CDH13: variants seen among roughly 807,000 people sequenced by gnomAD.
CDH13 encodes cadherin-13.
CDH13 carries 24 observed loss-of-function variants against 63.8 expected under a neutral mutation model. That is an observed-to-expected ratio of 0.38 (90% CI 0.27 to 0.53). The LOEUF is 0.53. CDH13 is among the 20% of genes least tolerant of loss of function. The pLI is 0.85. For synonymous variants in CDH13, 503 were observed against 355.3 expected, an observed-to-expected ratio of 1.42 and a Z score of -4.67; for missense variants, 1,049 against 903.1, an observed-to-expected ratio of 1.16 and a Z score of -2.07.
chr16:82,770,310 T>C (rs1442782567), intron 1 of CDH13, among the ~76,000 whole-genome samples: 2 of 152,250 alleles, frequency 1.3e-5, no homozygotes, highest in Non-Finnish European at 2.9e-5. Flanking sequence ...AGAAATTCTG[T>C]TTATTATAAA....
chr16:82,803,737 C>G (rs925274778), intron 1 of CDH13, among the ~76,000 whole-genome samples: 4 of 152,000 alleles, frequency 2.6e-5, no homozygotes, highest in African/African-American at 4.8e-5. Flanking sequence ...AGGACAGAAA[C>G]TGCAGGATTC....
At chr16:82,996,476 C>T (rs1022416006) in intron 2 of CDH13, among the ~76,000 whole-genome samples, 2 of 152,138 alleles carry the variant, frequency 1.3e-5, no homozygotes, top group Non-Finnish European at 1.5e-5. Context: ...CCGGGCTAGT[C>T]TCCATGTTCA....
intron 7 of CDH13, among the ~76,000 whole-genome samples, chr16:83,580,448 TTC>T (rs55664829): frequency 0.018 from 1,354 of 75,864 alleles, 20 homozygotes; most frequent in Admixed American, 0.028. Flanking sequence ...TTCTGTTCAT[TTC>T]TCTCTCTCTC....
intron 10 of CDH13, among the ~76,000 whole-genome samples, chr16:83,714,958 C>T (rs1273007107): frequency 6.6e-6 from 1 of 152,160 alleles, no homozygotes; most frequent in Non-Finnish European, 1.5e-5. Context: ...CCATCTGTTT[C>T]TTTACATCAT....
At chr16:82,901,216 C>G (rs755608997) in intron 2 of CDH13, among the ~76,000 whole-genome samples, 1 of 152,020 alleles carries the variant, frequency 6.6e-6, no homozygotes, top group Non-Finnish European at 1.5e-5. Flanking sequence ...GCTCTCATCA[C>G]AGCTTATTTT....
intron 5 of CDH13, among the ~76,000 whole-genome samples, chr16:83,266,945 T>C (rs1458715411): frequency 6.6e-6 from 1 of 152,218 alleles, no homozygotes; most frequent in African/African-American, 2.4e-5. Flanking sequence ...TATTTTCTTT[T>C]TTTCTACTCA....
chr16:83,785,238 T>C lies in CDH13; in HGVS notation c.2134+1766T>C, dbSNP rs1341046763. On this transcript the variant is annotated intron_variant, in intron 13 of 13. Coordinates refer to ENST00000567109, the MANE Select transcript of CDH13 (RefSeq NM_001257.5). ...ATAACAGAGATGTATTGCTCATGGTTCTGGAGGCTGAGAAGTCCAAGAATA... is the reference window on the plus strand; with the variant it reads ...ATAACAGAGATGTATTGCTCATGGTCCTGGAGGCTGAGAAGTCCAAGAATA... Among the ~76,000 whole-genome samples, 3 of 152,342 alleles carry C rather than the reference T, an allele frequency of 2.0e-5. 1 individual carries two copies. In the East Asian group the frequency reaches 5.8e-4, roughly 29 times the overall value.
chr16:83,253,476 G>T (rs948832356), intron 5 of CDH13, among the ~76,000 whole-genome samples: 1 of 152,196 alleles, frequency 6.6e-6, no homozygotes, highest in Non-Finnish European at 1.5e-5. Context: ...AGAGAACCAG[G>T]CACATTCGCC....
chr16:83,317,499 A>C (rs1330310420), intron 5 of CDH13, among the ~76,000 whole-genome samples: 1 of 152,172 alleles, frequency 6.6e-6, no homozygotes, highest in African/African-American at 2.4e-5. Context: ...TGCTGGGGGC[A>C]CTTCAAGCTA....
At chr16:83,064,182 C>T (rs2031811140) in intron 3 of CDH13, among the ~76,000 whole-genome samples, 1 of 152,048 alleles carries the variant, frequency 6.6e-6, no homozygotes. Context: ...CAGTCTGGCC[C>T]ACATGATGAA....
intron 6 of CDH13, among the ~76,000 whole-genome samples, chr16:83,391,536 A>G (rs2091786312): frequency 6.6e-6 from 1 of 152,166 alleles, no homozygotes; most frequent in Non-Finnish European, 1.5e-5. Flanking sequence ...GTAAGCCCCA[A>G]TTATACTATA....
At chr16:83,308,666 G>C (rs575728563) in intron 5 of CDH13, among the ~76,000 whole-genome samples, 6 of 152,350 alleles carry the variant, frequency 3.9e-5, no homozygotes, top group Non-Finnish European at 5.9e-5. Flanking sequence ...CCACATTTCA[G>C]CTAGGGCTTT....
chr16:82,670,494 G>C (rs893201320), intron 1 of CDH13, among the ~76,000 whole-genome samples: 1 of 152,152 alleles, frequency 6.6e-6, no homozygotes, highest in East Asian at 1.9e-4. Context: ...AGGAAGTGTG[G>C]GTTTATGGGT....
rs1221234009 is a variant in CDH13, at chr16:83,032,098, T to G, written c.246T>G (p.Val82=). The G allele has an allele frequency of 3.7e-6, 6 of 1,613,074 alleles. No individual in the cohort carries two copies. The highest frequency in any genetic ancestry group is 3.4e-6 in the Non-Finnish European group (4 of 1,179,644). ...AGGTGAACAGCGATGGCGGCTTAGT[T>G]GCTCTGAGAAACATAACTGCAGTGG... ...YFKVNSDGGL[V]ALRNITAVGK... Residue 82 remains valine, a synonymous_variant, in exon 3 of 14, where the codon GTT becomes GTG. Coordinates refer to ENST00000567109, the MANE Select transcript of CDH13 (RefSeq NM_001257.5).
chr16:82,768,112 T>C (rs1403198049), intron 1 of CDH13, among the ~76,000 whole-genome samples: 1 of 152,176 alleles, frequency 6.6e-6, no homozygotes, highest in East Asian at 1.9e-4. Context: ...GGAAGAAGCC[T>C]AAACATGAAG....
chr16:83,507,844 C>T (rs192937397), intron 7 of CDH13, among the ~76,000 whole-genome samples: 1 of 83,940 alleles, frequency 1.2e-5, no homozygotes, highest in East Asian at 7.4e-4. Context: ...GCCAGCCTGG[C>T]CAACATAGTA....
chr16:83,058,370 T>C (rs181009303), intron 3 of CDH13, among the ~76,000 whole-genome samples: 1 of 152,354 alleles, frequency 6.6e-6, no homozygotes, highest in East Asian at 1.9e-4. Context: ...GGCCAATTCT[T>C]CAAGAAAAGT....
chr16:83,778,138 C>G (rs1305565424), intron 11 of CDH13, among the ~76,000 whole-genome samples: 3 of 152,126 alleles, frequency 2.0e-5, no homozygotes, highest in Non-Finnish European at 4.4e-5. Flanking sequence ...ATGGTTTGTC[C>G]CAAGAGCAAA....
intron 4 of CDH13, chr16:83,180,746 C>G (rs187918964): frequency 2.9e-6 from 2 of 688,012 alleles, no homozygotes; most frequent in South Asian, 3.7e-5. Flanking sequence ...AAAACGGTCA[C>G]TCTAGGTAAT....
Sources: gnomAD v4.1 joint callset for allele counts (sites outside exome capture counted in the v4.1 genomes callset) on GRCh38, gnomAD v4.1.1 for gene constraint, MANE v1.5 for transcripts, NCBI Gene and HGNC (gene_info 2026-07-23, HGNC 2026-07-21) for gene names.